The following PDZD2 variants were observed in gnomAD, a reference collection of about 807,000 sequenced individuals.
The protein encoded by PDZD2 is PDZ domain-containing protein 2.
Under a neutral mutation model 220.7 loss-of-function variants are expected in PDZD2, and 90 were observed. The ratio of observed to expected loss-of-function variants is 0.41; its 90% CI spans 0.34 to 0.49. The LOEUF is 0.49. Among genes scored for constraint, PDZD2 ranks in the 20% least tolerant of loss-of-function variants. The pLI is 0.28. For synonymous variants in PDZD2, 1,375 were observed against 1,450.5 expected, an observed-to-expected ratio of 0.95 and a Z score of 1.18; for missense variants, 3,174 against 3,608.5, an observed-to-expected ratio of 0.88 and a Z score of 3.08.
At chr5:31,737,346 G>A (rs1219240632) in intron 1 of PDZD2, among the ~76,000 whole-genome samples, 2 of 148,882 alleles carry the variant, frequency 1.3e-5, no homozygotes, top group Non-Finnish European at 3.0e-5. Context: ...CTAATTTGTT[G>A]TATTTTTAGT....
At chr5:31,881,135 A>T (rs1356019793) in intron 2 of PDZD2, among the ~76,000 whole-genome samples, 2 of 151,742 alleles carry the variant, frequency 1.3e-5, no homozygotes, top group Non-Finnish European at 2.9e-5. Context: ...TAGAACTGGG[A>T]TCTCTGATCA....
intron 2 of PDZD2, chr5:31,936,473 C>T (rs1051892231): frequency 5.9e-5 from 23 of 387,892 alleles, no homozygotes; most frequent in Non-Finnish European, 7.4e-5. Flanking sequence ...ACATAAAAGA[C>T]TCAGCTTGAA....
At position 32,073,876 on chromosome 5, in the gene PDZD2, C is replaced by T; in HGVS notation, c.2770C>T (p.Leu924Phe). ...ACCCAGAGCCAACAGCCTCGTGACT[C>T]TTGGGAGCCATCGGGCTTCTGGGCT... ...GKPRANSLVT[L>F]GSHRASGLFH... Residue 924 changes from leucine to phenylalanine, a missense_variant, in exon 18 of 25, where the codon CTT becomes TTT. By Grantham distance (22) the Leu-to-Phe change is conservative. Around this residue, in one of 4 missense-constraint regions of PDZD2, gnomAD observed 1,861 missense variants for 2,001.0 expected, o/e 0.93. Coordinates refer to ENST00000438447, the MANE Select transcript of PDZD2 (RefSeq NM_178140.4). 1.2e-6 allele frequency: 2 copies of T among 1,614,090 alleles called. No homozygotes were observed. The highest frequency in any genetic ancestry group is 1.7e-6 in the Non-Finnish European group (2 of 1,179,972).
chr5:32,049,067 G>A (rs1738257460), intron 8 of PDZD2, among the ~76,000 whole-genome samples: 1 of 152,238 alleles, frequency 6.6e-6, no homozygotes, highest in East Asian at 1.9e-4. Context: ...GAGGGAGTGT[G>A]CGTGTGTGCC....
chr5:32,023,130 A>G (rs1386401809), intron 6 of PDZD2, among the ~76,000 whole-genome samples: 1 of 152,210 alleles, frequency 6.6e-6, no homozygotes, highest in Non-Finnish European at 1.5e-5. Flanking sequence ...GGAGAGGATG[A>G]AAAGTTTCCT....
chr5:31,667,138 A>G (rs1379486493), intron 1 of PDZD2, among the ~76,000 whole-genome samples: 4 of 145,838 alleles, frequency 2.7e-5, no homozygotes, highest in Non-Finnish European at 4.5e-5. Flanking sequence ...CAGGAGGCTG[A>G]GGCAGGAGAA....
intron 2 of PDZD2, chr5:31,908,985 G>C (rs1057493359): frequency 9.4e-6 from 3 of 318,458 alleles, no homozygotes; most frequent in African/African-American, 6.5e-5. Context: ...GGCGGAGGCT[G>C]CAATGAGCTG....
rs567516207 is a variant in PDZD2, at chr5:31,701,528, C to T, written c.-361+62091C>T. ...TTTTCCTGACCTATTCAATGGGAGA[C>T]GTCTAGCTATACACACAGGTGTCTT... is the stretch of plus-strand genomic sequence containing the variant. On this transcript the variant is annotated intron_variant, in intron 1 of 24. Transcript: ENST00000438447. Among the ~76,000 whole-genome samples the T allele has an allele frequency of 3.3e-5, 5 of 152,284 alleles. No homozygotes were observed. The South Asian group carries it at 1.0e-3, about 32-fold the overall frequency.
At chr5:31,943,654 G>A (rs1459353407) in intron 2 of PDZD2, among the ~76,000 whole-genome samples, 1 of 152,184 alleles carries the variant, frequency 6.6e-6, no homozygotes, top group Non-Finnish European at 1.5e-5. Context: ...ACACAAAGAA[G>A]CCGACGAGGC....
intron 1 of PDZD2, among the ~76,000 whole-genome samples, chr5:31,746,688 AC>A (rs1020789998): frequency 6.6e-6 from 1 of 152,014 alleles, no homozygotes; most frequent in Admixed American, 6.6e-5. Context: ...GTGTGTCCTC[AC>A]CCCGAGTTTC....
At chr5:31,857,279 T>C (rs933688455) in intron 2 of PDZD2, among the ~76,000 whole-genome samples, 6 of 152,224 alleles carry the variant, frequency 3.9e-5, no homozygotes, top group African/African-American at 9.6e-5. Context: ...CTTGCCGCTC[T>C]TGAGGCCAGT....
chr5:32,087,394 A>G lies in PDZD2; in HGVS notation c.3946A>G (p.Asn1316Asp), dbSNP rs931931053. ...RSASETSTPH[N>D]TRRVAALRGA... Reference sequence around the variant, plus strand: ...AGCATCGGAAACCAGCACACCCCACAATACCAGGAGGGTGGCTGCCCTCAG... The same window carrying G: ...AGCATCGGAAACCAGCACACCCCACGATACCAGGAGGGTGGCTGCCCTCAG... Residue 1316 changes from asparagine (N) to aspartate (D), a missense_variant, in exon 20 of 25, where the codon AAT becomes GAT. Asn to Asp is a conservative substitution (Grantham distance 23). This residue lies in a region of PDZD2 where 1,861 missense variants were observed against 2,001.0 expected (regional missense o/e 0.93). Transcript: ENST00000438447. This position sits in a 1 kb window ranked among gnomAD's most constrained non-coding sequence, Gnocchi z 4.0. 3.7e-6 allele frequency: 6 copies of G among 1,613,958 alleles called. No homozygotes were observed. The highest frequency in any genetic ancestry group is 4.2e-6 in the Non-Finnish European group (5 of 1,179,988).
intron 2 of PDZD2, among the ~76,000 whole-genome samples, chr5:31,825,812 T>G (rs941596197): frequency 1.3e-5 from 2 of 152,324 alleles, no homozygotes; most frequent in South Asian, 2.1e-4. Flanking sequence ...CGGTGCTGCT[T>G]GCTTTACGTA....
intron 2 of PDZD2, among the ~76,000 whole-genome samples, chr5:31,834,872 A>G (rs973187973): frequency 6.6e-6 from 1 of 150,632 alleles, no homozygotes; most frequent in Non-Finnish European, 1.5e-5. Flanking sequence ...ACCCTAGAAC[A>G]TAAAGTATAA....
intron 1 of PDZD2, among the ~76,000 whole-genome samples, chr5:31,708,855 T>G (rs920755300): frequency 1.3e-5 from 2 of 151,794 alleles, no homozygotes; most frequent in South Asian, 4.2e-4. Context: ...CTTGATGGCC[T>G]GGGTAGTCCT....
chr5:31,892,652 C>T (rs1107295), intron 2 of PDZD2, among the ~76,000 whole-genome samples: 4 of 151,004 alleles, frequency 2.6e-5, no homozygotes, highest in South Asian at 2.1e-4. Flanking sequence ...ACTGCAGCCT[C>T]GACATCCCGG....
chr5:31,962,138 T>C (rs1043865097), intron 2 of PDZD2, among the ~76,000 whole-genome samples: 2 of 152,236 alleles, frequency 1.3e-5, no homozygotes, highest in Admixed American at 6.5e-5. Flanking sequence ...AAATTGGACC[T>C]TATAAACTTT....
intron 2 of PDZD2, among the ~76,000 whole-genome samples, chr5:31,935,257 G>A (rs754579766): frequency 1.1e-4 from 16 of 152,122 alleles, no homozygotes; most frequent in Non-Finnish European, 1.9e-4. Flanking sequence ...CTGCACCAAA[G>A]GTTTTTGGAA....
At chr5:31,671,137 G>A (rs960693714) in intron 1 of PDZD2, among the ~76,000 whole-genome samples, 7 of 152,080 alleles carry the variant, frequency 4.6e-5, no homozygotes, top group South Asian at 2.1e-4. Context: ...TCCTACTCTC[G>A]AGGAACTCTC....
Sources: gnomAD v4.1 joint callset for allele counts (sites outside exome capture counted in the v4.1 genomes callset) on GRCh38, gnomAD v4.1.1 for gene constraint, gnomAD v4.1.1 regional missense constraint, Gnocchi (gnomAD v3.1) non-coding constraint, MANE v1.5 for transcripts, NCBI Gene and HGNC (gene_info 2026-07-23, HGNC 2026-07-21) for gene names.